Variants in BMPR1B observed in about 807,000 individuals in gnomAD.
BMPR1B encodes bone morphogenetic protein receptor type-1B.
Under a neutral mutation model 59.1 loss-of-function variants are expected in BMPR1B, and 12 were observed. The ratio of observed to expected loss-of-function variants is 0.20; its 90% CI spans 0.13 to 0.33. The LOEUF (loss-of-function observed/expected upper bound fraction) is 0.33, where lower values mean the gene tolerates loss of function less well. Ranked by LOEUF, BMPR1B falls within the 10% of genes least tolerant of loss-of-function variation. The pLI, the probability that BMPR1B is intolerant of heterozygous loss-of-function variation, is 1.00. For missense variants in BMPR1B, 550 were observed against 610.9 expected (o/e 0.90, Z 1.05); for synonymous variants, 237 against 207.3 (o/e 1.14, Z -1.23).
Position 95,130,009 on chromosome 4 carries a change from A to G in BMPR1B, c.733A>G (p.Thr245Ala). ...TTEEASWFRE[T>A]EIYQTVLMRH... is the part of the protein sequence containing the mutation. The stretch of plus-strand genomic sequence containing the variant: ...AGAGGAAGCCAGCTGGTTCAGAGAG[A>G]CAGAAATATATCAGACAGTGTTGAT... The change falls in exon 9 of 13, where the codon ACA becomes GCA. Residue 245 changes from threonine to alanine, a missense_variant. Physicochemically the swap from Thr to Ala is moderately conservative, Grantham distance 58. This residue lies in a region of BMPR1B where 318 missense variants were observed against 284.6 expected (regional missense o/e 1.12). Transcript: ENST00000515059. 6.2e-7 allele frequency: 1 copy of G among 1,613,978 alleles called. No individual in the cohort carries two copies. Among genetic ancestry groups the G allele is most frequent in the Non-Finnish European group, 8.5e-7 (1 of 1,179,902 alleles).
At chr4:94,836,050 A>G (rs1276532478) in intron 1 of BMPR1B, among the ~76,000 whole-genome samples, 2 of 148,220 alleles carry the variant, frequency 1.3e-5, no homozygotes, top group Non-Finnish European at 3.0e-5. Flanking sequence ...GAGAATGATG[A>G]TTTCCAATTT....
At chr4:95,144,885 A>G (rs1400564760) in intron 10 of BMPR1B, among the ~76,000 whole-genome samples, 1 of 152,032 alleles carries the variant, frequency 6.6e-6, no homozygotes. Context: ...TTTCTCTGTA[A>G]TTTTATCCAG....
At chr4:95,100,350 A>T (rs1730729850) in intron 3 of BMPR1B, among the ~76,000 whole-genome samples, 1 of 152,030 alleles carries the variant, frequency 6.6e-6, no homozygotes, top group Non-Finnish European at 1.5e-5. Flanking sequence ...TGATTTGGAA[A>T]ATTTTTCCCT....
At chr4:94,807,605 T>C (rs959479677) in intron 1 of BMPR1B, among the ~76,000 whole-genome samples, 1 of 152,250 alleles carries the variant, frequency 6.6e-6, no homozygotes, top group Non-Finnish European at 1.5e-5. Flanking sequence ...ATAAGTTTTT[T>C]AAACTGTGGA....
intron 1 of BMPR1B, among the ~76,000 whole-genome samples, chr4:94,830,028 CTTA>C (rs1172111080): frequency 2.6e-5 from 4 of 152,106 alleles, no homozygotes; most frequent in Admixed American, 6.5e-5. Context: ...AGAAATGAGA[CTTA>C]TTATGTAAGT....
chr4:94,887,415 A>AAC (rs1296258273), intron 2 of BMPR1B, among the ~76,000 whole-genome samples: 1 of 149,432 alleles, frequency 6.7e-6, no homozygotes, highest in African/African-American at 2.5e-5. Context: ...AAAAAAAAAA[A>AAC]AAAAAAAACA....
intron 1 of BMPR1B, among the ~76,000 whole-genome samples, chr4:94,792,046 G>C (rs1055397781): frequency 6.6e-6 from 1 of 152,030 alleles, no homozygotes; most frequent in Non-Finnish European, 1.5e-5. Flanking sequence ...AAGCTAAGTA[G>C]TTCCTCATTT....
At chr4:95,124,131 A>G (rs1413461336) in intron 7 of BMPR1B, among the ~76,000 whole-genome samples, 1 of 152,002 alleles carries the variant, frequency 6.6e-6, no homozygotes. Context: ...TACCCATATA[A>G]ATATTTTATC....
chr4:94,812,318 A>G (rs553075733), intron 1 of BMPR1B, among the ~76,000 whole-genome samples: 1 of 152,328 alleles, frequency 6.6e-6, no homozygotes, highest in Admixed American at 6.5e-5. Context: ...GCCTTGAAAA[A>G]ATCAATGGGT....
intron 1 of BMPR1B, among the ~76,000 whole-genome samples, chr4:94,818,966 T>G (rs1361773169): frequency 6.6e-6 from 1 of 151,850 alleles, no homozygotes; most frequent in Non-Finnish European, 1.5e-5. Context: ...ATCCCAACTC[T>G]AGAAAAAAAA....
intron 6 of BMPR1B, among the ~76,000 whole-genome samples, chr4:95,121,503 T>G (rs1163661676): frequency 6.6e-6 from 1 of 152,194 alleles, no homozygotes; most frequent in Non-Finnish European, 1.5e-5. Flanking sequence ...AGTGGCATTA[T>G]GTCTAAAACT....
intron 1 of BMPR1B, among the ~76,000 whole-genome samples, chr4:94,771,946 A>T (rs1296637435): frequency 1.3e-5 from 2 of 152,202 alleles, no homozygotes; most frequent in Non-Finnish European, 2.9e-5. Context: ...GTATGGCTTG[A>T]TGGAGGATTG....
intron 1 of BMPR1B, among the ~76,000 whole-genome samples, chr4:94,775,304 C>A (rs1459569504): frequency 6.6e-6 from 1 of 152,158 alleles, no homozygotes; most frequent in African/African-American, 2.4e-5. Flanking sequence ...GATTCTCCTA[C>A]TAAAACAGAA....
At chr4:95,120,607 G>A (rs375548835) in intron 6 of BMPR1B, among the ~76,000 whole-genome samples, 8 of 57,302 alleles carry the variant, frequency 1.4e-4, no homozygotes, top group Non-Finnish European at 3.3e-4. Flanking sequence ...TCAATAGCCT[G>A]CCTTTCCTTC....
intron 10 of BMPR1B, 116 bp downstream of exon 10, chr4:95,131,628 T>C (rs1288431031): frequency 2.4e-6 from 3 of 1,241,324 alleles, no homozygotes; most frequent in Non-Finnish European, 2.3e-6. Context: ...ATTTTGACAT[T>C]TGACGGGGAG....
intron 3 of BMPR1B, chr4:95,091,710 A>C: frequency 1.1e-6 from 1 of 940,152 alleles, no homozygotes; most frequent in Non-Finnish European, 1.3e-6. Context: ...GAGTAAAGCC[A>C]ATTCTGGCAC....
At chr4:94,849,781 G>A (rs1429033348) in intron 1 of BMPR1B, among the ~76,000 whole-genome samples, 1 of 115,240 alleles carries the variant, frequency 8.7e-6, no homozygotes, top group African/African-American at 3.8e-5. Flanking sequence ...AATAAGGTAG[G>A]AGGGGTTTTT....
At chr4:95,092,707 T>C (rs1036352) in intron 3 of BMPR1B, among the ~76,000 whole-genome samples, 105,450 of 151,920 alleles carry the variant, frequency 0.69, 36,750 homozygotes, top group South Asian at 0.74. Flanking sequence ...GTTCTAAATG[T>C]TTTCCAGGTT....
intron 2 of BMPR1B, among the ~76,000 whole-genome samples, chr4:94,966,696 T>C (rs1730568076): frequency 6.6e-6 from 1 of 152,206 alleles, no homozygotes; most frequent in Non-Finnish European, 1.5e-5. Context: ...TGTCTATATT[T>C]GTAAATATTC....
Sources: allele counts gnomAD v4.1 joint callset (sites outside exome capture counted in the v4.1 genomes callset), GRCh38; gene constraint gnomAD v4.1.1; regional missense constraint gnomAD v4.1.1; transcripts MANE v1.5; gene names NCBI Gene and HGNC (gene_info 2026-07-23, HGNC 2026-07-21).